AZIN1: variants seen among roughly 807,000 people sequenced by gnomAD.
AZIN1 encodes the protein antizyme inhibitor 1.
AZIN1 carries 12 observed loss-of-function variants against 47.4 expected under a neutral mutation model. The observed-to-expected ratio is 0.25, with a 90% CI of 0.16 to 0.41. AZIN1 has a LOEUF of 0.41. Among genes scored for constraint, AZIN1 ranks in the 10% least tolerant of loss-of-function variants. The probability of loss-of-function intolerance (pLI) is 1.00; values close to 1 mark genes in which losing one functional copy is unlikely to be tolerated. For synonymous variants in AZIN1, 155 were observed against 176.3 expected (o/e 0.88, Z 0.96); for missense variants, 410 against 532.4 (o/e 0.77, Z 2.26).
In AZIN1 at chr8:102,834,758, T is replaced by C. The variant is rs369549318; in HGVS notation, c.585-11A>G. 7.6e-5 allele frequency: 121 copies of C among 1,591,488 alleles called. No individual in the cohort carries two copies. The highest frequency in any genetic ancestry group is 9.6e-5 in the Non-Finnish European group (112 of 1,162,912). On this transcript the variant is annotated splice_polypyrimidine_tract_variant and intron_variant, in intron 6 of 11. Transcript: ENST00000337198. ...CTCGAAACATGAAATCTGAAACACA[T>C]AGAATACTAAATTTAAAGGAGCAGA...
Position 102,836,392 on chromosome 8 carries a change from T to TA in AZIN1, c.450-3dup, listed in dbSNP as rs1349534878. On this transcript the variant is annotated splice_region_variant and splice_polypyrimidine_tract_variant and intron_variant, in intron 5 of 11. Coordinates refer to ENST00000337198, the MANE Select transcript of AZIN1 (RefSeq NM_148174.4). ...TCTGTTGCAATATGTAGTAAGACCCTAAGAGAAGGGGAGATGATTGGGGCA... is the reference window on the plus strand; with the variant it reads ...TCTGTTGCAATATGTAGTAAGACCCTAAAGAGAAGGGGAGATGATTGGGGCA... 3.7e-6 allele frequency: 6 copies of TA among 1,613,524 alleles called. No individual in the cohort carries two copies. Among genetic ancestry groups the TA allele is most frequent in the Non-Finnish European group, 4.2e-6 (5 of 1,179,718 alleles).
chr8:102,838,621 A>G (rs1320197711), intron 5 of AZIN1, 123 bp downstream of exon 5: 2 of 712,030 alleles, frequency 2.8e-6, no homozygotes, highest in African/African-American at 1.8e-5. Context: ...GGCCCTTTAA[A>G]TAAGTTATAA....
chr8:102,846,504 C>T (rs1375440231), intron 2 of AZIN1, among the ~76,000 whole-genome samples: 2 of 152,106 alleles, frequency 1.3e-5, no homozygotes, highest in Non-Finnish European at 2.9e-5. Context: ...ACCACAATGA[C>T]GGTATTATCT....
rs544472949 is a variant in AZIN1 at position 102,832,363 on chromosome 8, T to C, written c.904+693A>G. On this transcript the variant is annotated intron_variant, in intron 9 of 11. Coordinates refer to ENST00000337198, the MANE Select transcript of AZIN1 (RefSeq NM_148174.4). The stretch of plus-strand genomic sequence containing the variant: ...ATGTAAAACAGTATTTCCTACAATA[T>C]TAGCCAACAAGATGGTACTGTCTAG... 1.5e-4 allele frequency among the ~76,000 whole-genome samples: 23 copies of C among 152,256 alleles called. No homozygotes were observed. The South Asian group carries it at 3.9e-3, about 26-fold the overall frequency.
intron 3 of AZIN1, among the ~76,000 whole-genome samples, chr8:102,842,250 C>G (rs1812247409): frequency 6.6e-6 from 1 of 152,164 alleles, no homozygotes; most frequent in Non-Finnish European, 1.5e-5. Flanking sequence ...CCAAAATTAT[C>G]TGAAAGTAAA....
intron 8 of AZIN1, among the ~76,000 whole-genome samples, chr8:102,833,667 G>A (rs111408822): frequency 0.015 from 2,256 of 152,068 alleles, 58 homozygotes; most frequent in African/African-American, 0.052. Flanking sequence ...ACTTTGGGAG[G>A]CTGGGGCAGG....
intron 1 of AZIN1, among the ~76,000 whole-genome samples, chr8:102,861,916 A>G (rs1302311473): frequency 6.6e-6 from 1 of 151,810 alleles, no homozygotes; most frequent in Non-Finnish European, 1.5e-5. Flanking sequence ...GGCGCCTGTA[A>G]TCCCAGCTGC....
At chr8:102,834,833 T>G in intron 6 of AZIN1, 86 bp from the exon 7 acceptor site, 1 of 845,970 alleles carries the variant, frequency 1.2e-6, no homozygotes, top group Non-Finnish European at 1.9e-6. Flanking sequence ...ACTCATCATA[T>G]TCATACCATT....
intron 2 of AZIN1, among the ~76,000 whole-genome samples, chr8:102,850,495 A>G (rs1026348901): frequency 6.6e-6 from 1 of 152,204 alleles, no homozygotes; most frequent in Non-Finnish European, 1.5e-5. Flanking sequence ...AAGCTTCTAA[A>G]GAATGACATC....
intron 1 of AZIN1, among the ~76,000 whole-genome samples, chr8:102,859,962 C>G (rs1197812167): frequency 6.6e-6 from 1 of 152,208 alleles, no homozygotes; most frequent in African/African-American, 2.4e-5. Context: ...CTGGGCAACA[C>G]AGCAAGACCC....
chr8:102,849,444 ACTT>A (rs1812790241), intron 2 of AZIN1, among the ~76,000 whole-genome samples: 2 of 152,126 alleles, frequency 1.3e-5, no homozygotes, highest in African/African-American at 4.8e-5. Flanking sequence ...AAACTGTACC[ACTT>A]CTTCTGGCTT....
chr8:102,843,554 G>A lies in AZIN1; in HGVS notation c.99C>T (p.Thr33=), dbSNP rs757999683. The A allele has an allele frequency of 3.1e-6, 5 of 1,609,562 alleles. No individual in the cohort carries two copies. Among genetic ancestry groups the A allele is most frequent in the Admixed American group, 1.7e-5 (1 of 59,938 alleles). Residue 33 remains threonine, a synonymous_variant, in exon 3 of 12, where the codon ACC becomes ACT. Coordinates refer to ENST00000337198, the MANE Select transcript of AZIN1 (RefSeq NM_148174.4). The part of the protein sequence containing the change: ...NVIDNYVYEH[T]LTGKNAFFVG... ...GTATTTGAGAAATGGCACTTACCAG[G>A]GTATGTTCATAAACATAGTTATCAA...
intron 1 of AZIN1, among the ~76,000 whole-genome samples, chr8:102,863,528 C>T (rs984361598): frequency 7.6e-4 from 116 of 151,696 alleles, no homozygotes; most frequent in Admixed American, 2.6e-3. Flanking sequence ...CGCGCTCCCC[C>T]ACTGGCACAC....
At chr8:102,861,185 T>G (rs1586215055) in intron 1 of AZIN1, among the ~76,000 whole-genome samples, 1 of 152,240 alleles carries the variant, frequency 6.6e-6, no homozygotes, top group African/African-American at 2.4e-5. Context: ...GTGACTTTGC[T>G]GCGCAACTAA....
intron 2 of AZIN1, among the ~76,000 whole-genome samples, chr8:102,853,784 C>T (rs1352656971): frequency 2.0e-5 from 3 of 151,054 alleles, no homozygotes; most frequent in South Asian, 2.1e-4. Flanking sequence ...GAGTATCAAC[C>T]GCCATTAATG....
chr8:102,829,726 C>G, intron 10 of AZIN1, 95 bp downstream of exon 10: 1 of 995,960 alleles, frequency 1.0e-6, no homozygotes, highest in Non-Finnish European at 1.6e-6. Flanking sequence ...TTTCCCCATT[C>G]TAAGATGTTT....
intron 2 of AZIN1, among the ~76,000 whole-genome samples, chr8:102,845,044 T>C (rs1812479007): frequency 6.6e-6 from 1 of 152,244 alleles, no homozygotes; most frequent in South Asian, 2.1e-4. Context: ...TAATTTCTGG[T>C]TGCCACATTA....
chr8:102,832,936 G>A (rs532767303), intron 9 of AZIN1, 120 bp downstream of exon 9: 220 of 877,940 alleles, frequency 2.5e-4, no homozygotes, highest in Non-Finnish European at 3.4e-4. Flanking sequence ...CACCACGCCC[G>A]GCCAGTTTTA....
In AZIN1 at chr8:102,851,566, C is replaced by T. The variant is rs536799976; in HGVS notation, c.-96+6447G>A. On this transcript the variant is annotated intron_variant, in intron 2 of 11. Coordinates refer to ENST00000337198, the MANE Select transcript of AZIN1 (RefSeq NM_148174.4). ...ACTAAAAATACAAAAATTAGCTGGG[C>T]GTGGTGGTGGGCACCTGTAATCCCA... 2.0e-4 allele frequency among the ~76,000 whole-genome samples: 30 copies of T among 152,106 alleles called. No homozygotes were observed. In the South Asian group the frequency reaches 5.4e-3, roughly 27 times the overall value.
Sources: gnomAD v4.1 joint callset for allele counts (sites outside exome capture counted in the v4.1 genomes callset) on GRCh38, gnomAD v4.1.1 for gene constraint, MANE v1.5 for transcripts, NCBI Gene and HGNC (gene_info 2026-07-23, HGNC 2026-07-21) for gene names.